RGS12: variants seen among roughly 807,000 people sequenced by gnomAD.
RGS12 encodes the protein regulator of G-protein signaling 12.
A neutral mutation model predicts 120.1 loss-of-function variants in RGS12; 66 were observed. That is an observed-to-expected ratio of 0.55 (90% CI 0.45 to 0.67). The LOEUF (loss-of-function observed/expected upper bound fraction) is 0.67, where lower values mean the gene tolerates loss of function less well. Ranked by LOEUF, RGS12 falls within the 30% of genes least tolerant of loss-of-function variation. The probability of loss-of-function intolerance (pLI) is 0.00; values close to 1 mark genes in which losing one functional copy is unlikely to be tolerated. For synonymous variants in RGS12, 827 were observed against 804.7 expected, an observed-to-expected ratio of 1.03 and a Z score of -0.47; for missense variants, 1,859 against 1,957.7, an observed-to-expected ratio of 0.95 and a Z score of 0.95.
At chr4:3,400,295 T>C (rs1720449146) in intron 4 of RGS12, among the ~76,000 whole-genome samples, 1 of 152,206 alleles carries the variant, frequency 6.6e-6, no homozygotes, top group Non-Finnish European at 1.5e-5. Flanking sequence ...TGCATCCTTG[T>C]GAAGTTTGGT....
At chr4:3,387,382 G>A (rs938255076) in intron 4 of RGS12, among the ~76,000 whole-genome samples, 5 of 152,162 alleles carry the variant, frequency 3.3e-5, no homozygotes, top group African/African-American at 7.2e-5. Flanking sequence ...CCCCAGGTAG[G>A]CAGACAGAGC....
At chr4:3,292,763 G>A (rs1479384218), upstream of RGS12, among the ~76,000 whole-genome samples, 1 of 152,190 alleles carries the variant, frequency 6.6e-6, no homozygotes, top group Non-Finnish European at 1.5e-5. Flanking sequence ...CACCAGCGCC[G>A]CCGCGCCCCC....
At chr4:3,409,641 G>A (rs1721521660) in intron 4 of RGS12, among the ~76,000 whole-genome samples, 1 of 152,218 alleles carries the variant, frequency 6.6e-6, no homozygotes, top group African/African-American at 2.4e-5. Flanking sequence ...CTTCCACATG[G>A]TACCAGGGAG....
At chr4:3,425,271 G>A (rs934060359) in intron 13 of RGS12, among the ~76,000 whole-genome samples, 193 bp from the exon 14 acceptor site, 6 of 152,122 alleles carry the variant, frequency 3.9e-5, no homozygotes, top group African/African-American at 1.4e-4. Context: ...GGATGGTCGT[G>A]TAGTCGGGAC....
In RGS12 at chr4:3,366,590, C is replaced by T. The variant is rs1424478129; in HGVS notation, c.1999-19826C>T. 1.3e-5 allele frequency among the ~76,000 whole-genome samples: 2 copies of T among 152,244 alleles called. No individual in the cohort carries two copies. The highest frequency in any genetic ancestry group is 2.9e-5 in the Non-Finnish European group (2 of 68,040). ...GGATCCACCAGGGCCGTCCCGGTTCCTGGGTGTTCCGCGCCCGTCTCCTTT... is the reference window on the plus strand; with the variant it reads ...GGATCCACCAGGGCCGTCCCGGTTCTTGGGTGTTCCGCGCCCGTCTCCTTT... On this transcript the variant is annotated intron_variant, in intron 3 of 17. Transcript: ENST00000336727. The surrounding 1 kb of genome is among the most constrained non-coding windows in gnomAD (Gnocchi z 4.0).
At chr4:3,431,419 G>T in intron 17 of RGS12, 1 of 999,514 alleles carries the variant, frequency 1.0e-6, no homozygotes, top group Non-Finnish European at 1.2e-6. Context: ...CCAGACACAG[G>T]CCCGTCCTCG....
intron 4 of RGS12, 69 bp downstream of exon 4, chr4:3,386,506 T>C: frequency 7.7e-7 from 1 of 1,301,336 alleles, no homozygotes; most frequent in Non-Finnish European, 1.1e-6. Context: ...AAAGTGTATT[T>C]GCCATTTGAT....
intron 1 of RGS12, among the ~76,000 whole-genome samples, chr4:3,300,815 A>G (rs1678183467): frequency 6.6e-6 from 1 of 152,112 alleles, no homozygotes; most frequent in Non-Finnish European, 1.5e-5. Flanking sequence ...TGCATTTAGG[A>G]CCCACCTGGG....
intron 1 of RGS12, among the ~76,000 whole-genome samples, chr4:3,308,345 A>G (rs1171968984): frequency 2.0e-5 from 3 of 152,258 alleles, no homozygotes; most frequent in Non-Finnish European, 2.9e-5. Flanking sequence ...TCACTGTCAC[A>G]GGACTCAGGG....
intron 4 of RGS12, among the ~76,000 whole-genome samples, chr4:3,396,821 G>A (rs1397679863): frequency 6.6e-6 from 1 of 152,046 alleles, no homozygotes; most frequent in Non-Finnish European, 1.5e-5. Flanking sequence ...GTCCAAGCTG[G>A]TTGAGACATA....
At chr4:3,340,182 C>A (rs950608525) in intron 2 of RGS12, among the ~76,000 whole-genome samples, 9 of 152,242 alleles carry the variant, frequency 5.9e-5, no homozygotes, top group Non-Finnish European at 1.2e-4. Context: ...CTGCCCAGCG[C>A]CTTCTCAGGC....
intron 1 of RGS12, among the ~76,000 whole-genome samples, chr4:3,300,894 A>T (rs564494923): frequency 6.6e-6 from 1 of 152,216 alleles, no homozygotes; most frequent in Non-Finnish European, 1.5e-5. Context: ...TCACAATCAC[A>T]GCTTCTGGGG....
Position 3,317,286 on chromosome 4 carries a change from T to A in RGS12, c.1116T>A (p.Cys372Ter). Residue 372 changes from cysteine to a stop codon, truncating the protein, a stop_gained, in exon 2 of 18, where the codon TGT (cysteine) becomes TGA (stop). Coordinates refer to ENST00000336727, the MANE Select transcript of RGS12 (RefSeq NM_001394154.1). LOFTEE classifies it high-confidence loss of function. ...ECTADPDTNG[C>*]LEFPASSLPV... ...CGGCCGACCCAGACACCAATGGCTG[T>A]CTGGAATTCCCGGCGTCCTCCCTCC... 1 of 1,614,074 alleles carries A rather than the reference T, an allele frequency of 6.2e-7. No homozygotes were observed.
At chr4:3,312,419 A>G (rs1430476838) in intron 1 of RGS12, 1 of 201,942 alleles carries the variant, frequency 5.0e-6, no homozygotes, top group African/African-American at 2.3e-5. Context: ...CCCTTTGCCC[A>G]CGTGGTGAAC....
In RGS12 at chr4:3,317,122, C is replaced by T; in HGVS notation, c.952C>T (p.Gln318Ter). Reference sequence around the variant, plus strand: ...GCGATTTTTCGGGTTGGTTACCATGCAGACGAATGACGACGGGAGCCTGGC... The same window carrying T: ...GCGATTTTTCGGGTTGGTTACCATGTAGACGAATGACGACGGGAGCCTGGC... ...DRRFFGLVTM[Q>*]TNDDGSLAQE... Residue 318 changes from glutamine to a stop codon, truncating the protein, a stop_gained, in exon 2 of 18, where the codon CAG becomes TAG. Coordinates refer to ENST00000336727, the MANE Select transcript of RGS12 (RefSeq NM_001394154.1). LOFTEE classifies it high-confidence loss of function. 2 of 1,613,952 alleles carry T rather than the reference C, an allele frequency of 1.2e-6. No homozygotes were observed. The highest frequency in any genetic ancestry group is 2.7e-5 in the African/African-American group (2 of 75,076).
chr4:3,385,965 G>A (rs974083397), intron 3 of RGS12: 5 of 177,940 alleles, frequency 2.8e-5, no homozygotes, highest in Non-Finnish European at 5.8e-5. Flanking sequence ...TATGGCCCTG[G>A]GTGGCGTCAT....
chr4:3,388,311 C>T (rs1025054469), intron 4 of RGS12, among the ~76,000 whole-genome samples: 15 of 152,178 alleles, frequency 9.9e-5, no homozygotes, highest in African/African-American at 3.1e-4. Context: ...CCGCAGTGGG[C>T]GGGCTGGATG....
intron 3 of RGS12, among the ~76,000 whole-genome samples, chr4:3,371,423 A>G (rs1043502518): frequency 1.3e-5 from 2 of 152,228 alleles, no homozygotes; most frequent in African/African-American, 2.4e-5. Context: ...ATTTGTAGGC[A>G]GCACTTTCAT....
At chr4:3,435,874 C>T (rs1054494549) in intron 17 of RGS12, among the ~76,000 whole-genome samples, 4 of 152,226 alleles carry the variant, frequency 2.6e-5, no homozygotes, top group Admixed American at 2.6e-4. Context: ...CTGTGCCCAT[C>T]TCAGCCCGCA....
Sources: allele counts gnomAD v4.1 joint callset (sites outside exome capture counted in the v4.1 genomes callset), GRCh38; gene constraint gnomAD v4.1.1; non-coding constraint Gnocchi (gnomAD v3.1); transcripts MANE v1.5; gene names NCBI Gene and HGNC (gene_info 2026-07-23, HGNC 2026-07-21).